The following GTPBP4 variants were observed in gnomAD, a reference collection of about 807,000 sequenced individuals.
GTPBP4 encodes GTP-binding protein 4.
GTPBP4 carries 15 observed loss-of-function variants against 81.7 expected under a neutral mutation model. The ratio of observed to expected loss-of-function variants is 0.18; its 90% CI spans 0.12 to 0.28. The LOEUF (loss-of-function observed/expected upper bound fraction) is 0.28, where lower values mean the gene tolerates loss of function less well. Among genes scored for constraint, GTPBP4 ranks in the 10% least tolerant of loss-of-function variants. The pLI is 1.00. For synonymous variants in GTPBP4, 272 were observed against 274.6 expected, an observed-to-expected ratio of 0.99 and a Z score of 0.09; for missense variants, 847 against 793.8, an observed-to-expected ratio of 1.07 and a Z score of -0.81.
chr10:1,007,464 G>A (rs1831763823), intron 10 of GTPBP4: 1 of 230,390 alleles, frequency 4.3e-6, no homozygotes, highest in Non-Finnish European at 8.7e-6. Flanking sequence ...GCTGGGGGAA[G>A]TAGCTCACGC....
intron 1 of GTPBP4, 81 bp downstream of exon 1, chr10:988,608 T>TG (rs1831383989): frequency 1.8e-6 from 2 of 1,100,738 alleles, no homozygotes; most frequent in East Asian, 4.8e-5. Context: ...CCTGTAGCCG[T>TG]GGGAGAGCGG....
At position 999,825 on chromosome 10, in the gene GTPBP4, G is replaced by A. The variant is rs867766672; in HGVS notation, c.654+730G>A. 3.9e-5 allele frequency among the ~76,000 whole-genome samples: 6 copies of A among 152,284 alleles called. No individual in the cohort carries two copies. The South Asian group carries it at 1.2e-3, about 32-fold the overall frequency. On this transcript the variant is annotated intron_variant, in intron 6 of 16. Transcript: ENST00000360803. The stretch of plus-strand genomic sequence containing the variant: ...AATACAAAAATTAGCTGGACGTGGT[G>A]GTGGGTGCCTGTAATCCCAGCTACT...
chr10:1,017,012 A>G, intron 16 of GTPBP4, 63 bp from the exon 17 acceptor site: 1 of 1,380,526 alleles, frequency 7.2e-7, no homozygotes, highest in East Asian at 2.3e-5. Flanking sequence ...CAGTAGTTGA[A>G]ATTCAGAATG....
rs868663172 is a variant in GTPBP4 at position 1,018,545 on chromosome 10, A to G, written c.*1318A>G. ...ACAGTATGGCCGGGCGCGGCAGCTC[A>G]TGCCTGTAATCCCAGCACTTTGGGA... is the stretch of plus-strand genomic sequence containing the variant. On this transcript the variant is annotated 3_prime_UTR_variant, in exon 17 of 17. Transcript: ENST00000360803. 1 of 151,480 alleles carries G rather than the reference A, an allele frequency of 6.6e-6. No individual in the cohort carries two copies. The highest frequency in any genetic ancestry group is 2.4e-5 in the African/African-American group (1 of 41,150). 9.4% of individuals were successfully genotyped at this position (151,480 alleles called of 1,614,324 possible). A position where few individuals can be genotyped will look rare whatever the true frequency, so the allele number is the denominator to read the frequency against.
rs200342746 is a variant in GTPBP4 at position 997,205 on chromosome 10, T to C, written c.461-3T>C. On this transcript the variant is annotated splice_region_variant and splice_polypyrimidine_tract_variant and intron_variant, in intron 4 of 16. Transcript: ENST00000360803. ...TTAATTTTTCAATTTGAACTTTTCC[T>C]AGTGCGTCAGCATTTATCCCGTTTG... The C allele has an allele frequency of 3.2e-5, 49 of 1,521,144 alleles. No homozygotes were observed. In the Admixed American group the frequency reaches 5.5e-4, roughly 17 times the overall value. The allele number at this position is 1,521,144 out of a possible 1,614,324, so 94.2% of individuals were successfully genotyped here. A position where few individuals can be genotyped will look rare whatever the true frequency, so the allele number is the denominator to read the frequency against.
intron 14 of GTPBP4, among the ~76,000 whole-genome samples, chr10:1,013,597 A>G (rs903939782): frequency 6.6e-6 from 1 of 152,042 alleles, no homozygotes; most frequent in Non-Finnish European, 1.5e-5. Context: ...GCAACAGAGC[A>G]AGACTCCATC....
At chr10:1,004,321 T>C (rs1831687607) in intron 8 of GTPBP4, among the ~76,000 whole-genome samples, 1 of 152,110 alleles carries the variant, frequency 6.6e-6, no homozygotes. Flanking sequence ...CTCCATTTCC[T>C]GGAAAGAGTG....
intron 4 of GTPBP4, chr10:996,918 C>T (rs1344209851): frequency 8.1e-6 from 3 of 370,522 alleles, no homozygotes; most frequent in Non-Finnish European, 1.5e-5. Context: ...ATTGTCTGGA[C>T]ACTGCCAGAC....
intron 8 of GTPBP4, among the ~76,000 whole-genome samples, chr10:1,001,929 T>TA (rs199812893): frequency 0.015 from 1,775 of 115,944 alleles, 32 homozygotes; most frequent in African/African-American, 0.045. Context: ...TATTTTATTT[T>TA]TGTTTTTTTT....
At chr10:998,844 T>A (rs930167690) in intron 5 of GTPBP4, among the ~76,000 whole-genome samples, 159 bp from the exon 6 acceptor site, 2 of 152,138 alleles carry the variant, frequency 1.3e-5, no homozygotes, top group Non-Finnish European at 2.9e-5. Context: ...GGCCTGGTGG[T>A]GCAAAGGGAG....
At chr10:1,001,539 G>T (rs967084025) in intron 8 of GTPBP4, among the ~76,000 whole-genome samples, 3 of 152,190 alleles carry the variant, frequency 2.0e-5, no homozygotes, top group African/African-American at 7.2e-5. Context: ...CATGATAAAT[G>T]CTTTTAGAAG....
At position 1,009,304 on chromosome 10, in the gene GTPBP4, C is replaced by T. The variant is rs149739969; in HGVS notation, c.1192-225C>T. ...CCTCTTCCTACCAGAACCTAAAGGC[C>T]GGCCCCACAGACAGGGAGATAAGAA... On this transcript the variant is annotated intron_variant, in intron 11 of 16. Transcript: ENST00000360803. Among the ~76,000 whole-genome samples, 646 of 152,116 alleles carry T rather than the reference C, an allele frequency of 4.2e-3. 4 individuals are homozygous for T. The highest frequency in any genetic ancestry group is 0.015 in the African/African-American group (618 of 41,504).
chr10:998,358 C>G (rs772618390), intron 5 of GTPBP4, among the ~76,000 whole-genome samples: 5 of 152,200 alleles, frequency 3.3e-5, no homozygotes, highest in Admixed American at 6.5e-5. Flanking sequence ...CCTCAGCCTC[C>G]TGAAGTGCTG....
rs1832056359 is a variant in GTPBP4, at chr10:1,019,702, C to G, written c.*2475C>G. The G allele has an allele frequency of 5.0e-6, 8 of 1,614,040 alleles. No individual in the cohort carries two copies. The highest frequency in any genetic ancestry group is 4.4e-5 in the South Asian group (4 of 91,082). ...GACAGGTAGAGGATGCTTTTCGTTT[C>G]ACTGGGATCCGGGTTCAGAGTGACG... On this transcript the variant is annotated 3_prime_UTR_variant, in exon 17 of 17. Transcript: ENST00000360803.
At position 1,018,482 on chromosome 10, in the gene GTPBP4, C is replaced by G. The variant is rs1832028695; in HGVS notation, c.*1255C>G. ...GAAATTCTTTCTCCGTATTAAACAC[C>G]AAAACTTAACATATAGTTTACTTTG... is the stretch of plus-strand genomic sequence containing the variant. On this transcript the variant is annotated 3_prime_UTR_variant, in exon 17 of 17. Coordinates refer to ENST00000360803, the MANE Select transcript of GTPBP4 (RefSeq NM_012341.3). 1 of 150,202 alleles carries G rather than the reference C, an allele frequency of 6.7e-6. No individual in the cohort carries two copies. Among genetic ancestry groups the G allele is most frequent in the Admixed American group, 6.6e-5 (1 of 15,038 alleles). 9.3% of individuals were successfully genotyped at this position (150,202 alleles called of 1,614,324 possible).
chr10:997,221 A>G lies in GTPBP4; in HGVS notation c.474A>G (p.Leu158=). Reference sequence around the variant, plus strand: ...AACTTTTCCTAGTGCGTCAGCATTTATCCCGTTTGCCAACCATTGATCCGA... The same window carrying G: ...AACTTTTCCTAGTGCGTCAGCATTTGTCCCGTTTGCCAACCATTGATCCGA... The part of the protein sequence containing the change: ...LEYLEQVRQH[L]SRLPTIDPNT... The change falls in exon 5 of 17, where the codon TTA becomes TTG. Residue 158 remains leucine (L), a synonymous_variant. Coordinates refer to ENST00000360803, the MANE Select transcript of GTPBP4 (RefSeq NM_012341.3). 1 of 1,591,906 alleles carries G rather than the reference A, an allele frequency of 6.3e-7. No homozygotes were observed. The highest frequency in any genetic ancestry group is 8.6e-7 in the Non-Finnish European group (1 of 1,159,908).
In GTPBP4 at chr10:1,019,873, G is replaced by T; in HGVS notation, c.*2646G>T. On this transcript the variant is annotated 3_prime_UTR_variant, in exon 17 of 17. Transcript: ENST00000360803. ...TTGGTGCAGTGTTAACAACGCTAAT[G>T]TAAAACACAGAATTTACAGAAAAAT... 1 of 1,350,326 alleles carries T rather than the reference G, an allele frequency of 7.4e-7. No homozygotes were observed. Among genetic ancestry groups the T allele is most frequent in the Non-Finnish European group, 1.1e-6 (1 of 947,458 alleles). The allele number at this position is 1,350,326 out of a possible 1,614,324, so 83.6% of individuals were successfully genotyped here.
chr10:992,285 A>G (rs1231026980), intron 1 of GTPBP4, among the ~76,000 whole-genome samples: 2 of 151,486 alleles, frequency 1.3e-5, no homozygotes, highest in African/African-American at 4.9e-5. Context: ...CTGTAGTCCC[A>G]GCTACTCTGG....
chr10:1,019,450 A>G lies in GTPBP4; in HGVS notation c.*2223A>G, dbSNP rs1832049471. The G allele has an allele frequency of 1.5e-6, 2 of 1,324,142 alleles. No homozygotes were observed. The allele number at this position is 1,324,142 out of a possible 1,614,324, so 82.0% of individuals were successfully genotyped here. A position where few individuals can be genotyped will look rare whatever the true frequency, so the allele number is the denominator to read the frequency against. ...CCCTGTTTTTTGGAGAGGGTGTATC[A>G]TTGCCTCAATGGTGCGTCTGCCTGC... is the stretch of plus-strand genomic sequence containing the variant. On this transcript the variant is annotated 3_prime_UTR_variant, in exon 17 of 17. Coordinates refer to ENST00000360803, the MANE Select transcript of GTPBP4 (RefSeq NM_012341.3).
Sources: allele counts gnomAD v4.1 joint callset (sites outside exome capture counted in the v4.1 genomes callset), GRCh38; gene constraint gnomAD v4.1.1; transcripts MANE v1.5; gene names NCBI Gene and HGNC (gene_info 2026-07-23, HGNC 2026-07-21).